The following ZNF565 variants were observed in gnomAD, a reference collection of about 807,000 sequenced individuals.
ZNF565 encodes zinc finger protein 565.
In ZNF565, 27 loss-of-function variants were observed where a neutral mutation model predicts 39.4. That is an observed-to-expected ratio of 0.69 (90% CI 0.51 to 0.95). The LOEUF (loss-of-function observed/expected upper bound fraction) is 0.95. Among genes scored for constraint, ZNF565 ranks in the 40% least tolerant of loss-of-function variants. The pLI is 0.00. For missense variants in ZNF565, 524 were observed against 621.1 expected, an observed-to-expected ratio of 0.84 and a Z score of 1.66; for synonymous variants, 185 against 216.6, an observed-to-expected ratio of 0.85 and a Z score of 1.28.
At chr19:36,200,731 C>A (rs1239738326) in intron 2 of ZNF565, among the ~76,000 whole-genome samples, 2 of 150,936 alleles carry the variant, frequency 1.3e-5, no homozygotes, top group African/African-American at 4.9e-5. Context: ...TCGTGATCCA[C>A]CCGCCTCAGC....
chr19:36,222,391 AT>A (rs1454890833), intron 1 of ZNF565, among the ~76,000 whole-genome samples: 1 of 152,086 alleles, frequency 6.6e-6, no homozygotes, highest in Non-Finnish European at 1.5e-5. Flanking sequence ...GTAATGAATA[AT>A]TTTTTTATGT....
At chr19:36,241,034 TC>T (rs1184985890) in intron 1 of ZNF565, among the ~76,000 whole-genome samples, 1 of 152,240 alleles carries the variant, frequency 6.6e-6, no homozygotes, top group African/African-American at 2.4e-5. Context: ...GTTGTGGACT[TC>T]CCAGCCTCCA....
chr19:36,186,929 G>A (rs1975322055), intron 4 of ZNF565, among the ~76,000 whole-genome samples: 1 of 152,184 alleles, frequency 6.6e-6, no homozygotes, highest in African/African-American at 2.4e-5. Context: ...GGTGACTCAT[G>A]CCTGCAACCC....
At chr19:36,206,313 T>C (rs1283375709) in intron 1 of ZNF565, among the ~76,000 whole-genome samples, 2 of 151,964 alleles carry the variant, frequency 1.3e-5, no homozygotes, top group South Asian at 2.1e-4. Context: ...CATACGGAGA[T>C]AGATGGGATT....
At chr19:36,191,677 C>T (rs1975549069) in intron 4 of ZNF565, among the ~76,000 whole-genome samples, 1 of 152,124 alleles carries the variant, frequency 6.6e-6, no homozygotes, top group Admixed American at 6.6e-5. Context: ...TACCCACGAA[C>T]TCATCGTGAT....
intron 1 of ZNF565, among the ~76,000 whole-genome samples, chr19:36,229,431 G>A (rs1977226075): frequency 6.6e-6 from 1 of 152,136 alleles, no homozygotes; most frequent in Non-Finnish European, 1.5e-5. Flanking sequence ...TGTGGCCTCA[G>A]CTTCCTGGCC....
intron 4 of ZNF565, among the ~76,000 whole-genome samples, chr19:36,189,980 C>A (rs1187180438): frequency 6.6e-6 from 1 of 151,720 alleles, no homozygotes; most frequent in East Asian, 2.0e-4. Flanking sequence ...ATTACAGGCA[C>A]CTGCCACCAC....
chr19:36,222,835 T>C (rs1425776032), intron 1 of ZNF565, among the ~76,000 whole-genome samples: 1 of 128,328 alleles, frequency 7.8e-6, no homozygotes. Context: ...TTCACAGTGG[T>C]TTCTTTTTTT....
At chr19:36,234,890 G>A (rs1453405176) in intron 1 of ZNF565, among the ~76,000 whole-genome samples, 2 of 152,108 alleles carry the variant, frequency 1.3e-5, no homozygotes, top group Admixed American at 6.5e-5. Context: ...TTGTTCTCGT[G>A]ACTGGACAGT....
chr19:36,189,341 T>TC (rs1975439599), intron 4 of ZNF565, among the ~76,000 whole-genome samples: 1 of 150,412 alleles, frequency 6.6e-6, no homozygotes, highest in African/African-American at 2.4e-5. Context: ...TGAGACAGAG[T>TC]CTCGCTCTGT....
At chr19:36,227,263 C>T (rs193215923) in intron 1 of ZNF565, among the ~76,000 whole-genome samples, 11 of 151,524 alleles carry the variant, frequency 7.3e-5, no homozygotes, top group Admixed American at 7.2e-4. Context: ...GTGGCGCATG[C>T]CTGTAATCCC....
intron 2 of ZNF565, among the ~76,000 whole-genome samples, chr19:36,200,275 C>T (rs1975909397): frequency 6.6e-6 from 1 of 152,080 alleles, no homozygotes; most frequent in Non-Finnish European, 1.5e-5. Flanking sequence ...ATCTGTCTGC[C>T]TCAGCCTCCC....
chr19:36,183,787 A>G (rs1975181111), intron 4 of ZNF565, 54 bp from the exon 5 acceptor site: 2 of 1,514,664 alleles, frequency 1.3e-6, no homozygotes, highest in African/African-American at 1.4e-5. Context: ...TATGAGAAAT[A>G]AAAAATTCTA....
At chr19:36,204,266 A>G (rs993590326) in intron 1 of ZNF565, among the ~76,000 whole-genome samples, 1 of 152,100 alleles carries the variant, frequency 6.6e-6, no homozygotes, top group Non-Finnish European at 1.5e-5. Flanking sequence ...GACTAACTTA[A>G]TGAATGGGAA....
intron 1 of ZNF565, among the ~76,000 whole-genome samples, chr19:36,213,887 C>T (rs567673085): frequency 4.6e-5 from 7 of 150,744 alleles, no homozygotes; most frequent in Non-Finnish European, 8.9e-5. Flanking sequence ...ATCACACACC[C>T]GCTAAGACAC....
Position 36,182,561 on chromosome 19 carries a change from G to T in ZNF565, c.1405C>A (p.His469Asn). ...SSQLTEHQRI[H>N]PGIKPYECRE... ...CATTCGTAAGGTTTGATACCAGGAT[G>T]AATTCTCTGATGTTCGGTAAGTTGT... The change falls in exon 5 of 5, where the codon CAT (histidine) becomes AAT (asparagine). Residue 469 changes from histidine (H) to asparagine (N), a missense_variant. Coordinates refer to ENST00000304116, the MANE Select transcript of ZNF565 (RefSeq NM_152477.5). 1 of 1,613,894 alleles carries T rather than the reference G, an allele frequency of 6.2e-7. No homozygotes were observed. The highest frequency in any genetic ancestry group is 1.7e-5 in the Admixed American group (1 of 59,970).
At position 36,204,599 on chromosome 19, in the gene ZNF565, A is replaced by G. The variant is rs115641309; in HGVS notation, c.-65-2549T>C. On this transcript the variant is annotated intron_variant, in intron 1 of 4. Coordinates refer to ENST00000304116, the MANE Select transcript of ZNF565 (RefSeq NM_152477.5). ...ATGTGGCTAGTATGTCTGAGAAACT[A>G]AAGTTTTTATTTTATTTTAATTAAT... Among the ~76,000 whole-genome samples, 486 of 152,360 alleles carry G rather than the reference A, an allele frequency of 3.2e-3. 3 individuals carry two copies. Among genetic ancestry groups the G allele is most frequent in the African/African-American group, 0.011 (467 of 41,592 alleles).
At chr19:36,223,080 T>C (rs1337816381) in intron 1 of ZNF565, among the ~76,000 whole-genome samples, 1 of 151,972 alleles carries the variant, frequency 6.6e-6, no homozygotes, top group Non-Finnish European at 1.5e-5. Flanking sequence ...TAGCGGGGAC[T>C]ACAGGCAGTG....
At chr19:36,201,524 G>C (rs1164722590) in intron 2 of ZNF565, among the ~76,000 whole-genome samples, 2 of 152,016 alleles carry the variant, frequency 1.3e-5, no homozygotes, top group African/African-American at 4.8e-5. Flanking sequence ...TCCCAGGGTG[G>C]AGTGCAGTGG....
Sources: allele counts gnomAD v4.1 joint callset (sites outside exome capture counted in the v4.1 genomes callset), GRCh38; gene constraint gnomAD v4.1.1; transcripts MANE v1.5; gene names NCBI Gene and HGNC (gene_info 2026-07-23, HGNC 2026-07-21).